Variants in RPSA2 observed in about 807,000 individuals in gnomAD.
The protein encoded by RPSA2 is small ribosomal subunit protein uS2B.
At chr19:23,844,943 T>C in the RPSA2 span, among the ~76,000 whole-genome samples, 4 of 149,668 alleles carry the variant, frequency 2.7e-5, no homozygotes, top group Non-Finnish European at 4.4e-5. Flanking sequence ...ATCATGCTAC[T>C]CATTATTGGT....
chr19:23,783,264 T>G, the RPSA2 span, among the ~76,000 whole-genome samples: 1 of 151,812 alleles, frequency 6.6e-6, no homozygotes, highest in Non-Finnish European at 1.5e-5. Context: ...CCCACCTAAT[T>G]TTGTATTTTT....
the RPSA2 span, among the ~76,000 whole-genome samples, chr19:23,761,934 TTGA>T: frequency 8.5e-5 from 11 of 129,918 alleles, no homozygotes; most frequent in South Asian, 2.5e-4. Flanking sequence ...TTTTTTTTTT[TTGA>T]GATGGAGTCT....
chr19:23,789,023 C>CTTTTTTT, the RPSA2 span, among the ~76,000 whole-genome samples: 8 of 129,418 alleles, frequency 6.2e-5, no homozygotes, highest in Non-Finnish European at 1.1e-4. Context: ...TTCTTTCTTT[C>CTTTTTTT]TTTTTTTTTT....
the RPSA2 span, among the ~76,000 whole-genome samples, chr19:23,865,645 GA>G: frequency 6.6e-6 from 1 of 152,116 alleles, no homozygotes; most frequent in African/African-American, 2.4e-5. Flanking sequence ...CAGAAAAAAA[GA>G]GAGGAGAATT....
At chr19:23,806,009 ATCTATCT>A in the RPSA2 span, among the ~76,000 whole-genome samples, 15 of 142,032 alleles carry the variant, frequency 1.1e-4, no homozygotes, top group East Asian at 1.2e-3. Context: ...CTGTCTATCT[ATCTATCT>A]ATCTATCTAT....
At chr19:23,862,333 T>C in the RPSA2 span, among the ~76,000 whole-genome samples, 32 of 151,502 alleles carry the variant, frequency 2.1e-4, no homozygotes, top group African/African-American at 7.7e-4. Context: ...ACAGGGACAA[T>C]TTGACTTCCT....
At chr19:23,782,399 A>G in the RPSA2 span, 1 of 152,138 alleles carries the variant, frequency 6.6e-6, no homozygotes, top group Non-Finnish European at 1.5e-5. Flanking sequence ...TGCTGGGCCT[A>G]GCACTAAGAT....
chr19:23,824,827 AT>A, the RPSA2 span, among the ~76,000 whole-genome samples: 5 of 150,258 alleles, frequency 3.3e-5, no homozygotes, highest in Admixed American at 2.0e-4. Context: ...TTGGTTAGAA[AT>A]TTTTTTTTAT....
the RPSA2 span, among the ~76,000 whole-genome samples, chr19:23,836,903 T>C: frequency 6.6e-6 from 1 of 152,224 alleles, no homozygotes; most frequent in Admixed American, 6.5e-5. Flanking sequence ...GATGTATAGA[T>C]TGTAAAGATT....
the RPSA2 span, among the ~76,000 whole-genome samples, chr19:23,770,693 C>T: frequency 6.6e-6 from 1 of 151,978 alleles, no homozygotes; most frequent in South Asian, 2.1e-4. Context: ...TGGTCCTTGC[C>T]CACAGATCAT....
the RPSA2 span, chr19:23,818,461 A>G: frequency 6.6e-6 from 1 of 152,488 alleles, no homozygotes; most frequent in East Asian, 1.9e-4. Context: ...TTTAGACAGC[A>G]ATTAGTTAGG....
At chr19:23,825,442 G>A in the RPSA2 span, among the ~76,000 whole-genome samples, 24 of 151,998 alleles carry the variant, frequency 1.6e-4, no homozygotes, top group African/African-American at 5.1e-4. Flanking sequence ...TGAGCTATAC[G>A]TCTTTTTCCA....
chr19:23,862,056 G>T, the RPSA2 span, among the ~76,000 whole-genome samples: 1 of 151,976 alleles, frequency 6.6e-6, no homozygotes. Flanking sequence ...ATTTCATTGA[G>T]CAGTGGTTTG....
the RPSA2 span, among the ~76,000 whole-genome samples, chr19:23,800,839 C>T: frequency 6.6e-6 from 1 of 152,124 alleles, no homozygotes; most frequent in African/African-American, 2.4e-5. Flanking sequence ...TCTTGAACTC[C>T]TGACCTCAGG....
the RPSA2 span, among the ~76,000 whole-genome samples, chr19:23,801,256 G>A: frequency 1.3e-5 from 2 of 149,198 alleles, no homozygotes; most frequent in African/African-American, 2.5e-5. Flanking sequence ...GGGAGGGTTG[G>A]GGGGGATGGA....
chr19:23,830,145 A>G, the RPSA2 span, among the ~76,000 whole-genome samples: 1 of 151,630 alleles, frequency 6.6e-6, no homozygotes, highest in Non-Finnish European at 1.5e-5. Flanking sequence ...ACTCCATAAC[A>G]TAGTTCTTTT....
At chr19:23,862,315 A>G in the RPSA2 span, among the ~76,000 whole-genome samples, 1 of 151,490 alleles carries the variant, frequency 6.6e-6, no homozygotes, top group Non-Finnish European at 1.5e-5. Flanking sequence ...CAATCATGTC[A>G]TCTACAAACA....
At chr19:23,837,831 A>T in the RPSA2 span, among the ~76,000 whole-genome samples, 2 of 152,136 alleles carry the variant, frequency 1.3e-5, no homozygotes, top group African/African-American at 4.8e-5. Flanking sequence ...GAATTTTGTC[A>T]GTTCTAGGAG....
At chr19:23,809,115 GAT>G in the RPSA2 span, 2 of 155,834 alleles carry the variant, frequency 1.3e-5, no homozygotes, top group Non-Finnish European at 2.8e-5. Flanking sequence ...TGGACAGAGA[GAT>G]ATCTCCATAA....
Sources: allele counts gnomAD v4.1 joint callset (sites outside exome capture counted in the v4.1 genomes callset), GRCh38; gene constraint gnomAD v4.1.1; transcripts MANE v1.5; gene names NCBI Gene and HGNC (gene_info 2026-07-23, HGNC 2026-07-21).